Variants in LTBP2 observed in about 807,000 individuals in gnomAD.
LTBP2 encodes the protein latent transforming growth factor beta binding protein 2.
LTBP2 carries 103 observed loss-of-function variants against 210.6 expected under a neutral mutation model. The observed-to-expected ratio is 0.49, with a 90% CI of 0.42 to 0.58. The LOEUF (loss-of-function observed/expected upper bound fraction) is 0.58. LTBP2 is among the 20% of genes least tolerant of loss of function. LTBP2 has a pLI of 0.00. For synonymous variants in LTBP2, 1,007 were observed against 1,015.0 expected, an observed-to-expected ratio of 0.99 and a Z score of 0.15; for missense variants, 2,313 against 2,494.5, an observed-to-expected ratio of 0.93 and a Z score of 1.55.
Position 74,498,376 on chromosome 14 carries a change from AC to A in LTBP2, c.*2507del, listed in dbSNP as rs1433044843. On this transcript the variant is annotated 3_prime_UTR_variant, in exon 36 of 36. Transcript: ENST00000261978. ...TCCCATAAATTAATGTGAAATATGC[AC>A]AAGAATATTCATTACAGCATTATTT... 1.0e-5 allele frequency: 2 copies of A among 195,960 alleles called. No homozygotes were observed. Among genetic ancestry groups the A allele is most frequent in the African/African-American group, 2.3e-5 (1 of 43,268 alleles). The allele number at this position is 195,960 out of a possible 1,614,324, so 12.1% of individuals were successfully genotyped here.
At position 74,528,494 on chromosome 14, in the gene LTBP2, ATGG is replaced by A; in HGVS notation, c.2354_2356del (p.Thr785del). 1 of 1,611,954 alleles carries A rather than the reference ATGG, an allele frequency of 6.2e-7. No homozygotes were observed. Among genetic ancestry groups the A allele is most frequent in the South Asian group, 1.1e-5 (1 of 91,014 alleles). On this transcript the variant is annotated inframe_deletion, in exon 12 of 36. Transcript: ENST00000261978. ...CCCAGCTCAGATACCCTTGTCAGGGATGGTCCCGGCCTCAAGCCAGGTGTCCGT... is the reference window on the plus strand; with the variant it reads ...CCCAGCTCAGATACCCTTGTCAGGGATCCCGGCCTCAAGCCAGGTGTCCGT...
In LTBP2 at chr14:74,528,615, C is replaced by T. The variant is rs760735135; in HGVS notation, c.2236G>A (p.Glu746Lys). ...CTTGGGGGCCTTGCCAGTTCCTCCTCCTCGGCTTTCCTCATGGACAGGCGG... is the reference window on the plus strand; with the variant it reads ...CTTGGGGGCCTTGCCAGTTCCTCCTTCTCGGCTTTCCTCATGGACAGGCGG... The part of the protein sequence containing the change: ...DIRLSMRKAE[E>K]EELARPPREQ... Residue 746 changes from glutamate to lysine, a missense_variant, in exon 12 of 36, where the codon GAG becomes AAG. By Grantham distance (56) the Glu-to-Lys change is moderately conservative. This residue lies in a region of LTBP2 where 1,867 missense variants were observed against 1,976.9 expected (regional missense o/e 0.94). Coordinates refer to ENST00000261978, the MANE Select transcript of LTBP2 (RefSeq NM_000428.3). The T allele has an allele frequency of 6.2e-7, 1 of 1,613,636 alleles. No homozygotes were observed. Among genetic ancestry groups the T allele is most frequent in the South Asian group, 1.1e-5 (1 of 91,090 alleles).
At chr14:74,546,154 T>C (rs2139740110) in intron 8 of LTBP2, among the ~76,000 whole-genome samples, 1 of 152,224 alleles carries the variant, frequency 6.6e-6, no homozygotes, top group South Asian at 2.1e-4. Context: ...GCTAGAACAC[T>C]TTACTGGGGA....
At chr14:74,554,309 G>A (rs777485886) in intron 4 of LTBP2, among the ~76,000 whole-genome samples, 1 of 152,086 alleles carries the variant, frequency 6.6e-6, no homozygotes, top group Non-Finnish European at 1.5e-5. Flanking sequence ...AGACCAGCCT[G>A]GGCAACATGC....
rs1160604672 is a variant in LTBP2, at chr14:74,604,173, A to AAAAC, written c.495-469_495-468insGTTT. Among the ~76,000 whole-genome samples the AAAAC allele has an allele frequency of 1.5e-3, 227 of 151,200 alleles. 1 individual carries two copies. The highest frequency in any genetic ancestry group is 2.7e-3 in the Non-Finnish European group (183 of 67,842). ...CTACATTGCCTCTCACCAAAAAAAA[A>AAAAC]AAAAAAAAAAACCACACACACAAAA... On this transcript the variant is annotated intron_variant, in intron 1 of 35. Coordinates refer to ENST00000261978, the MANE Select transcript of LTBP2 (RefSeq NM_000428.3).
intron 3 of LTBP2, among the ~76,000 whole-genome samples, chr14:74,568,040 A>T (rs185038850): frequency 4.5e-4 from 68 of 152,230 alleles, no homozygotes; most frequent in Admixed American, 1.1e-3. Flanking sequence ...ACTGGGGGGC[A>T]GGGGGTAGGG....
chr14:74,540,858 T>A lies in LTBP2; in HGVS notation c.1790-4858A>T, dbSNP rs372114201. Among the ~76,000 whole-genome samples the A allele has an allele frequency of 4.4e-4, 24 of 54,076 alleles. No homozygotes were observed. In the South Asian group the frequency reaches 6.7e-3, roughly 15 times the overall value. The allele number at this position is 54,076 out of a possible 152,430, so 35.5% of individuals were successfully genotyped here. A position where few individuals can be genotyped will look rare whatever the true frequency, so the allele number is the denominator to read the frequency against. Reference sequence around the variant, plus strand: ...ATATATTTATATATATTATATATATTATATATATTTATATATATAATATAT... The same window carrying A: ...ATATATTTATATATATTATATATATAATATATATTTATATATATAATATAT... On this transcript the variant is annotated intron_variant, in intron 8 of 35. Coordinates refer to ENST00000261978, the MANE Select transcript of LTBP2 (RefSeq NM_000428.3).
chr14:74,584,053 G>A (rs943564544), intron 3 of LTBP2, among the ~76,000 whole-genome samples: 6 of 152,208 alleles, frequency 3.9e-5, no homozygotes, highest in African/African-American at 1.4e-4. Context: ...CCCAGTGTCA[G>A]AGCAAATATG....
chr14:74,574,203 A>G (rs1473022424), intron 3 of LTBP2, among the ~76,000 whole-genome samples: 2 of 152,212 alleles, frequency 1.3e-5, no homozygotes, highest in Non-Finnish European at 2.9e-5. Context: ...CTGCACTGCT[A>G]AAGTTATTCC....
chr14:74,611,536 G>C lies in LTBP2; in HGVS notation c.409C>G (p.Arg137Gly), dbSNP rs752572109. Residue 137 changes from arginine to glycine, a missense_variant, in exon 1 of 36, where the codon CGG (arginine) becomes GGG (glycine). Physicochemically the swap from Arg to Gly is moderately radical, Grantham distance 125 (BLOSUM62 -2). Transcript: ENST00000261978. ...LGQQQPAPRT[R>G]AAPALPRLGT... ...AGGCGTGGGAGAGCCGGCGCGGCCCGGGTCCGGGGTGCTGGTTGCTGCTGG... is the reference window on the plus strand; with the variant it reads ...AGGCGTGGGAGAGCCGGCGCGGCCCCGGTCCGGGGTGCTGGTTGCTGCTGG... The C allele has an allele frequency of 1.3e-6, 2 of 1,556,694 alleles. No individual in the cohort carries two copies. The highest frequency in any genetic ancestry group is 2.8e-5 in the African/African-American group (2 of 70,744).
rs568234060 is a variant in LTBP2, at chr14:74,602,417, C to T, written c.565+1218G>A. On this transcript the variant is annotated intron_variant, in intron 2 of 35. Coordinates refer to ENST00000261978, the MANE Select transcript of LTBP2 (RefSeq NM_000428.3). ...GCAGCAGTGACAGCAATAGTACCAT[C>T]ACCTCCAGTTCACAGATGCAGAAAG... Among the ~76,000 whole-genome samples, 6 of 152,344 alleles carry T rather than the reference C, an allele frequency of 3.9e-5. No individual in the cohort carries two copies. In the South Asian group the frequency reaches 1.2e-3, roughly 32 times the overall value.
In LTBP2 at chr14:74,551,276, C is replaced by T; in HGVS notation, c.1474G>A (p.Ala492Thr). Residue 492 changes from alanine (A) to threonine (T), a missense_variant, in exon 7 of 36, where the codon GCC (alanine) becomes ACC (threonine). Physicochemically the swap from Ala to Thr is moderately conservative, Grantham distance 58. Coordinates refer to ENST00000261978, the MANE Select transcript of LTBP2 (RefSeq NM_000428.3). ...PEASVQIHQV[A>T]QVRGGVEEAL... ...TCCTCCACCCCGCCCCGCACCTGGG[C>T]CACCTGGTGGATCTGCACTGAGGCC... 4 of 1,608,884 alleles carry T rather than the reference C, an allele frequency of 2.5e-6. No individual in the cohort carries two copies. The highest frequency in any genetic ancestry group is 3.4e-6 in the Non-Finnish European group (4 of 1,177,940).
At chr14:74,573,557 T>C (rs894883106) in intron 3 of LTBP2, among the ~76,000 whole-genome samples, 3 of 152,224 alleles carry the variant, frequency 2.0e-5, no homozygotes, top group African/African-American at 7.2e-5. Flanking sequence ...GCCCTGTCCA[T>C]GGCCCTCTCC....
rs1264330615 is a variant in LTBP2 at position 74,510,174 on chromosome 14, C to T, written c.3068G>A (p.Gly1023Glu). ...GGAGCCTTCTAGGTTGGTGCACTTT[C>T]CATGGGCACAGACCCCGGGAGTCAG... ...ECLTPGVCAH[G>E]KCTNLEGSFR... is the part of the protein sequence containing the mutation. Residue 1023 changes from glycine to glutamate, a missense_variant, in exon 20 of 36, where the codon GGA (glycine) becomes GAA (glutamate). Physicochemically the swap from Gly to Glu is moderately conservative, Grantham distance 98. Transcript: ENST00000261978. The T allele has an allele frequency of 6.2e-7, 1 of 1,614,048 alleles. No individual in the cohort carries two copies.
intron 7 of LTBP2, 91 bp from the exon 8 acceptor site, chr14:74,550,056 C>T: frequency 1.2e-6 from 1 of 840,984 alleles, no homozygotes; most frequent in Non-Finnish European, 2.1e-6. Context: ...GGACACAGAG[C>T]TCACTCCCCA....
chr14:74,535,198 G>A (rs1019983133), intron 9 of LTBP2, among the ~76,000 whole-genome samples: 6 of 152,034 alleles, frequency 3.9e-5, no homozygotes, highest in Non-Finnish European at 8.8e-5. Flanking sequence ...GCACCCCCAA[G>A]GAAGACAGCC....
In LTBP2 at chr14:74,552,208, G is replaced by T. The variant is rs752542195; in HGVS notation, c.1378C>A (p.Leu460Met). The change falls in exon 6 of 36, where the codon CTG (leucine) becomes ATG (methionine). Residue 460 changes from leucine (L) to methionine (M), a missense_variant. Transcript: ENST00000261978. ...TCACCCAGCTGGTTGGAGAGCGGCAGTGTGAAAGTGGACTGCTTCAGTGGG... is the reference window on the plus strand; with the variant it reads ...TCACCCAGCTGGTTGGAGAGCGGCATTGTGAAAGTGGACTGCTTCAGTGGG... ...EAPLKQSTFT[L>M]PLSNQLASVN... 1.9e-6 allele frequency: 3 copies of T among 1,610,814 alleles called. No homozygotes were observed. Among genetic ancestry groups the T allele is most frequent in the Non-Finnish European group, 2.5e-6 (3 of 1,179,252 alleles).
chr14:74,529,505 G>A (rs1053732212), intron 10 of LTBP2, among the ~76,000 whole-genome samples: 3 of 152,226 alleles, frequency 2.0e-5, no homozygotes, highest in Non-Finnish European at 4.4e-5. Context: ...GCCTCCCTGG[G>A]AAGATGAGGC....
At chr14:74,591,483 C>T (rs1161898432) in intron 2 of LTBP2, among the ~76,000 whole-genome samples, 1 of 152,206 alleles carries the variant, frequency 6.6e-6, no homozygotes, top group Non-Finnish European at 1.5e-5. Context: ...ATGTAGGATG[C>T]TGTGCAGAGG....
Sources: gnomAD v4.1 joint callset for allele counts (sites outside exome capture counted in the v4.1 genomes callset) on GRCh38, gnomAD v4.1.1 for gene constraint, gnomAD v4.1.1 regional missense constraint, MANE v1.5 for transcripts, NCBI Gene and HGNC (gene_info 2026-07-23, HGNC 2026-07-21) for gene names.